Variants in BMP6 observed in about 807,000 individuals in gnomAD.
The protein encoded by BMP6 is VG-1-R.
BMP6 carries 17 observed loss-of-function variants against 54.1 expected under a neutral mutation model. The ratio of observed to expected loss-of-function variants is 0.31; its 90% CI spans 0.22 to 0.47. BMP6 has a LOEUF of 0.47. BMP6 is among the 20% of genes least tolerant of loss of function. The pLI is 1.00. For synonymous variants in BMP6, 328 were observed against 291.2 expected, an observed-to-expected ratio of 1.13 and a Z score of -1.28; for missense variants, 720 against 690.4, an observed-to-expected ratio of 1.04 and a Z score of -0.48.
chr6:7,787,934 C>T (rs1208379927), intron 1 of BMP6, among the ~76,000 whole-genome samples: 1 of 151,976 alleles, frequency 6.6e-6, no homozygotes, highest in Non-Finnish European at 1.5e-5. Context: ...GAATTGCTGA[C>T]TATGGTAGAT....
chr6:7,877,413 G>C (rs1392206064), intron 4 of BMP6, among the ~76,000 whole-genome samples: 1 of 152,078 alleles, frequency 6.6e-6, no homozygotes, highest in Non-Finnish European at 1.5e-5. Context: ...CTTAAGGTCA[G>C]TAGTTCGAGA....
At chr6:7,821,366 C>T (rs1758608313) in intron 1 of BMP6, among the ~76,000 whole-genome samples, 1 of 152,144 alleles carries the variant, frequency 6.6e-6, no homozygotes, top group Non-Finnish European at 1.5e-5. Flanking sequence ...CTTGGGCCAA[C>T]TCTTTTGTCA....
chr6:7,848,165 A>G (rs911088485), intron 2 of BMP6, among the ~76,000 whole-genome samples: 3 of 152,170 alleles, frequency 2.0e-5, no homozygotes, highest in African/African-American at 7.2e-5. Context: ...ATATTTGTAA[A>G]GAGGTCACAA....
At chr6:7,834,393 A>G (rs539180236) in intron 1 of BMP6, among the ~76,000 whole-genome samples, 48 of 152,278 alleles carry the variant, frequency 3.2e-4, no homozygotes, top group African/African-American at 9.9e-4. Context: ...AACAGGCACC[A>G]AGTTAGAAAA....
At chr6:7,728,835 C>G (rs1350283748) in intron 1 of BMP6, among the ~76,000 whole-genome samples, 1 of 152,204 alleles carries the variant, frequency 6.6e-6, no homozygotes, top group African/African-American at 2.4e-5. Context: ...GTCAAAGACG[C>G]TCATCTTTTA....
chr6:7,861,492 C>T lies in BMP6; in HGVS notation c.899C>T (p.Ala300Val), dbSNP rs769858996. 2 of 1,614,180 alleles carry T rather than the reference C, an allele frequency of 1.2e-6. No homozygotes were observed. The highest frequency in any genetic ancestry group is 4.5e-5 in the East Asian group (2 of 44,886). ...LFLLDTRVVWASEEGWLEFDI... is the reference protein window; with the variant it reads ...LFLLDTRVVWVSEEGWLEFDI... The stretch of plus-strand genomic sequence containing the variant: ...TTGTTGGACACCCGTGTAGTATGGG[C>T]CTCAGAAGAAGGCTGGCTGGAATTT... The change falls in exon 3 of 7, where the codon GCC (alanine) becomes GTC (valine). Residue 300 changes from alanine to valine, a missense_variant. Coordinates refer to ENST00000283147, the MANE Select transcript of BMP6 (RefSeq NM_001718.6).
chr6:7,869,242 G>T lies in BMP6; in HGVS notation c.1204+6744G>T, dbSNP rs929671417. Reference sequence around the variant, plus strand: ...CTTCTCCTCTGGGTCTCATACCTATGGGCCTCTCCTGGCCTCCAGTGCCAG... The same window carrying T: ...CTTCTCCTCTGGGTCTCATACCTATTGGCCTCTCCTGGCCTCCAGTGCCAG... On this transcript the variant is annotated intron_variant, in intron 4 of 6. Coordinates refer to ENST00000283147, the MANE Select transcript of BMP6 (RefSeq NM_001718.6). Among the ~76,000 whole-genome samples, 16 of 152,348 alleles carry T rather than the reference G, an allele frequency of 1.1e-4. 1 individual carries two copies. The highest frequency in any genetic ancestry group is 3.8e-4 in the African/African-American group (16 of 41,576).
intron 4 of BMP6, among the ~76,000 whole-genome samples, chr6:7,866,438 C>A (rs1351138395): frequency 6.6e-6 from 1 of 152,246 alleles, no homozygotes; most frequent in Non-Finnish European, 1.5e-5. Flanking sequence ...GTAGCTCTCA[C>A]TTGGGGTTCA....
chr6:7,864,979 T>G (rs1304096575), intron 4 of BMP6, among the ~76,000 whole-genome samples: 2 of 152,212 alleles, frequency 1.3e-5, no homozygotes, highest in Non-Finnish European at 2.9e-5. Context: ...TAATGAACTG[T>G]GGTCAGTTTG....
chr6:7,772,926 T>A (rs1757812078), intron 1 of BMP6, among the ~76,000 whole-genome samples: 1 of 152,174 alleles, frequency 6.6e-6, no homozygotes, highest in African/African-American at 2.4e-5. Flanking sequence ...ACCCAATCTA[T>A]CTCCTTGTGG....
At chr6:7,835,162 A>T (rs1430010530) in intron 1 of BMP6, among the ~76,000 whole-genome samples, 1 of 152,188 alleles carries the variant, frequency 6.6e-6, no homozygotes, top group Non-Finnish European at 1.5e-5. Flanking sequence ...TTGCTCTGTC[A>T]CCCAGGCTGG....
Position 7,727,405 on chromosome 6 carries a change from C to T in BMP6, c.450C>T (p.Asp150=), listed in dbSNP as rs1359234991. The change falls in exon 1 of 7, where the codon GAC becomes GAT. Residue 150 remains aspartate, a synonymous_variant. Coordinates refer to ENST00000283147, the MANE Select transcript of BMP6 (RefSeq NM_001718.6). ...YNALSADNDE[D]GASEGERQQS... ...CCCTGTCCGCCGACAACGACGAGGA[C>T]GGGGCGTCGGAGGGGGAGAGGCAGC... is the stretch of plus-strand genomic sequence containing the variant. The T allele has an allele frequency of 7.5e-6, 12 of 1,605,346 alleles. No homozygotes were observed. Among genetic ancestry groups the T allele is most frequent in the East Asian group, 4.5e-5 (2 of 44,610 alleles).
At chr6:7,737,332 T>A (rs930473909) in intron 1 of BMP6, among the ~76,000 whole-genome samples, 25 of 152,124 alleles carry the variant, frequency 1.6e-4, no homozygotes, top group African/African-American at 5.8e-4. Context: ...AGAGAAGTGA[T>A]ATCCATGGGC....
chr6:7,726,751 G>T lies in BMP6; in HGVS notation c.-205G>T. On this transcript the variant is annotated 5_prime_UTR_variant, in exon 1 of 7. Transcript: ENST00000283147. ...CCTCCAAGCGGTTCTCCTGGTGATCGCCCCTTCGCCACCTCTCTAGCCTGG... is the reference window on the plus strand; with the variant it reads ...CCTCCAAGCGGTTCTCCTGGTGATCTCCCCTTCGCCACCTCTCTAGCCTGG... The T allele has an allele frequency of 5.0e-6, 1 of 200,452 alleles. No homozygotes were observed. Among genetic ancestry groups the T allele is most frequent in the Non-Finnish European group, 9.7e-6 (1 of 102,928 alleles). 12.4% of individuals were successfully genotyped at this position (200,452 alleles called of 1,614,324 possible).
chr6:7,861,237 G>A (rs576581667), intron 2 of BMP6, among the ~76,000 whole-genome samples: 3 of 152,204 alleles, frequency 2.0e-5, no homozygotes, highest in African/African-American at 7.2e-5. Flanking sequence ...TCTATGAAGC[G>A]CCTTATCAGA....
intron 1 of BMP6, among the ~76,000 whole-genome samples, chr6:7,760,081 T>A (rs1424934156): frequency 6.7e-6 from 1 of 149,970 alleles, no homozygotes; most frequent in Non-Finnish European, 1.5e-5. Context: ...TTTTTTTTTT[T>A]TTAGATACAA....
At chr6:7,752,210 T>C (rs112159884) in intron 1 of BMP6, among the ~76,000 whole-genome samples, 14,157 of 152,292 alleles carry the variant, frequency 0.093, 836 homozygotes, top group African/African-American at 0.17. Flanking sequence ...CATGGCAGTG[T>C]GGAAGCAATA....
chr6:7,765,341 A>G (rs551679165), intron 1 of BMP6, among the ~76,000 whole-genome samples: 20 of 152,338 alleles, frequency 1.3e-4, no homozygotes, highest in East Asian at 9.6e-4. Flanking sequence ...AGGAGGGACA[A>G]TGTAATAATG....
intron 1 of BMP6, among the ~76,000 whole-genome samples, chr6:7,764,101 G>A (rs1003303420): frequency 3.3e-5 from 5 of 152,216 alleles, no homozygotes; most frequent in African/African-American, 9.6e-5. Flanking sequence ...AGGAGCAGGC[G>A]AGGCGCAGCA....
Sources: gnomAD v4.1 joint callset for allele counts (sites outside exome capture counted in the v4.1 genomes callset) on GRCh38, gnomAD v4.1.1 for gene constraint, MANE v1.5 for transcripts, NCBI Gene and HGNC (gene_info 2026-07-23, HGNC 2026-07-21) for gene names.